The following AGPS variants were observed in gnomAD, a reference collection of about 807,000 sequenced individuals.
AGPS encodes alkyldihydroxyacetonephosphate synthase, peroxisomal.
Under a neutral mutation model 90.7 loss-of-function variants are expected in AGPS, and 26 were observed. That is an observed-to-expected ratio of 0.29 (90% CI 0.21 to 0.40). AGPS has a LOEUF of 0.40. Ranked by LOEUF, AGPS falls within the 10% of genes least tolerant of loss-of-function variation. AGPS has a pLI of 1.00. For missense variants in AGPS, 540 were observed against 816.1 expected (o/e 0.66, Z 4.12); for synonymous variants, 294 against 285.3 (o/e 1.03, Z -0.31).
rs1346184081 is a variant in AGPS at position 177,541,200 on chromosome 2, GGTATACCAGATACA to G, written c.*3007_*3020del. ...AGGATGAGCTTCCATCGGTGTGTAT[GGTATACCAGATACA>G]GATGGTTGCAAGGAAACCTTTTCCC... On this transcript the variant is annotated 3_prime_UTR_variant, in exon 20 of 20. Transcript: ENST00000264167. 3.9e-5 allele frequency: 6 copies of G among 152,024 alleles called. No individual in the cohort carries two copies. Among genetic ancestry groups the G allele is most frequent in the Middle Eastern group, 3.2e-3 (1 of 316 alleles). The allele number at this position is 152,024 out of a possible 1,614,324, so 9.4% of individuals were successfully genotyped here.
At chr2:177,497,383 C>T (rs373033858) in intron 12 of AGPS, among the ~76,000 whole-genome samples, 52 of 151,074 alleles carry the variant, frequency 3.4e-4, no homozygotes, top group Admixed American at 1.1e-3. Context: ...TAAACCATAC[C>T]GTTGAAAGAA....
At chr2:177,490,723 T>G (rs1688229108) in intron 11 of AGPS, among the ~76,000 whole-genome samples, 1 of 152,134 alleles carries the variant, frequency 6.6e-6, no homozygotes, top group Non-Finnish European at 1.5e-5. Context: ...TACAGAAAAT[T>G]TGAAAGACTG....
chr2:177,423,716 C>T (rs1373925085), intron 2 of AGPS, among the ~76,000 whole-genome samples: 1 of 152,086 alleles, frequency 6.6e-6, no homozygotes, highest in East Asian at 1.9e-4. Context: ...ACATTGTAAG[C>T]AATTATTAGA....
intron 1 of AGPS, among the ~76,000 whole-genome samples, chr2:177,409,091 T>C (rs1024535057): frequency 6.6e-6 from 1 of 152,204 alleles, no homozygotes; most frequent in African/African-American, 2.4e-5. Context: ...GGGTTCATTT[T>C]TTCCATGGGT....
In AGPS at chr2:177,491,771, C is replaced by G. The variant is rs75816697; in HGVS notation, c.1234-1377C>G. ...TAATATACTTTCCTTCCCCCCCCCC[C>G]CCTTTTTTTTCATTTTGTTTTGTTT... On this transcript the variant is annotated intron_variant, in intron 11 of 19. Transcript: ENST00000264167. 1.6e-4 allele frequency among the ~76,000 whole-genome samples: 20 copies of G among 122,390 alleles called. 1 individual carries two copies. The highest frequency in any genetic ancestry group is 1.4e-3 in the South Asian group (4 of 2,822). 80.3% of individuals were successfully genotyped at this position (122,390 alleles called of 152,430 possible).
At chr2:177,531,089 A>G (rs2079132750) in intron 19 of AGPS, among the ~76,000 whole-genome samples, 1 of 152,210 alleles carries the variant, frequency 6.6e-6, no homozygotes, top group Non-Finnish European at 1.5e-5. Context: ...TAGTCTTACC[A>G]GAATCTAATA....
intron 11 of AGPS, among the ~76,000 whole-genome samples, chr2:177,492,159 G>A (rs1011307952): frequency 3.9e-5 from 6 of 152,116 alleles, no homozygotes; most frequent in Non-Finnish European, 7.3e-5. Flanking sequence ...ATAAAGGTGC[G>A]GTAGAATGTG....
intron 17 of AGPS, among the ~76,000 whole-genome samples, chr2:177,514,290 T>C (rs1392748595): frequency 2.6e-5 from 4 of 152,202 alleles, no homozygotes; most frequent in Non-Finnish European, 5.9e-5. Flanking sequence ...AGTGTTTTGT[T>C]GTTTACTAGT....
chr2:177,449,298 A>G (rs75713830), intron 8 of AGPS, among the ~76,000 whole-genome samples: 5,334 of 152,294 alleles, frequency 0.035, 206 homozygotes, highest in African/African-American at 0.097. Flanking sequence ...ATATCATTTT[A>G]TATTCCCACC....
At chr2:177,405,520 C>T (rs893461866) in intron 1 of AGPS, among the ~76,000 whole-genome samples, 8 of 152,128 alleles carry the variant, frequency 5.3e-5, no homozygotes, top group Non-Finnish European at 1.2e-4. Flanking sequence ...GCTCAGATAA[C>T]GTTTTGAAAT....
intron 1 of AGPS, among the ~76,000 whole-genome samples, chr2:177,405,098 G>A (rs1286289665): frequency 1.3e-5 from 2 of 152,228 alleles, no homozygotes; most frequent in African/African-American, 4.8e-5. Context: ...TTTCTTACTA[G>A]TATCACTTCT....
chr2:177,457,519 GA>G (rs1379594489), intron 8 of AGPS, among the ~76,000 whole-genome samples: 7 of 152,146 alleles, frequency 4.6e-5, no homozygotes, highest in Non-Finnish European at 8.8e-5. Context: ...TGATCCCACA[GA>G]AATACAAACT....
intron 9 of AGPS, among the ~76,000 whole-genome samples, chr2:177,467,213 G>A (rs956817064): frequency 6.6e-6 from 1 of 152,174 alleles, no homozygotes; most frequent in African/African-American, 2.4e-5. Flanking sequence ...GACCATATGT[G>A]TTTCATCTGC....
intron 1 of AGPS, among the ~76,000 whole-genome samples, chr2:177,397,754 A>G (rs1382500238): frequency 6.6e-6 from 1 of 152,174 alleles, no homozygotes; most frequent in Admixed American, 6.5e-5. Flanking sequence ...AACGTCGGGC[A>G]TGGTGACTCA....
chr2:177,536,736 A>G (rs982474974), intron 19 of AGPS, among the ~76,000 whole-genome samples: 5 of 152,120 alleles, frequency 3.3e-5, no homozygotes, highest in African/African-American at 4.8e-5. Context: ...CCCCCGTCTT[A>G]ATACCAGCAA....
intron 19 of AGPS, among the ~76,000 whole-genome samples, chr2:177,535,959 T>G (rs2079180419): frequency 6.6e-6 from 1 of 152,054 alleles, no homozygotes; most frequent in Non-Finnish European, 1.5e-5. Flanking sequence ...TTGATTATTG[T>G]AAAAGTATAA....
intron 1 of AGPS, among the ~76,000 whole-genome samples, chr2:177,402,618 T>C (rs1235116270): frequency 6.6e-6 from 1 of 152,184 alleles, no homozygotes; most frequent in African/African-American, 2.4e-5. Flanking sequence ...TCCTGTTACC[T>C]TTTCCCCACG....
chr2:177,439,958 TA>T (rs1280162135), intron 5 of AGPS, among the ~76,000 whole-genome samples: 3 of 152,164 alleles, frequency 2.0e-5, no homozygotes, highest in Non-Finnish European at 2.9e-5. Context: ...GTATAACTTT[TA>T]CAAGCATAAA....
chr2:177,495,966 A>T (rs1688403260), intron 12 of AGPS, among the ~76,000 whole-genome samples: 1 of 151,748 alleles, frequency 6.6e-6, no homozygotes, highest in Non-Finnish European at 1.5e-5. Flanking sequence ...GAATATATTT[A>T]AAATGTAATT....
Sources: gnomAD v4.1 joint callset for allele counts (sites outside exome capture counted in the v4.1 genomes callset) on GRCh38, gnomAD v4.1.1 for gene constraint, MANE v1.5 for transcripts, NCBI Gene and HGNC (gene_info 2026-07-23, HGNC 2026-07-21) for gene names.